Variants in SDK2 observed in about 807,000 individuals in gnomAD.
SDK2 encodes protein sidekick-2.
Under a neutral mutation model 253.9 loss-of-function variants are expected in SDK2, and 105 were observed. The observed-to-expected ratio is 0.41, with a 90% confidence interval of 0.35 to 0.49. The LOEUF (loss-of-function observed/expected upper bound fraction) is 0.49, where lower values mean the gene tolerates loss of function less well. Ranked by LOEUF, SDK2 falls within the 20% of genes least tolerant of loss-of-function variation. SDK2 has a pLI of 0.06. For missense variants in SDK2, 2,608 were observed against 3,003.0 expected, an observed-to-expected ratio of 0.87 and a Z score of 3.07; for synonymous variants, 1,249 against 1,234.9, an observed-to-expected ratio of 1.01 and a Z score of -0.24.
At chr17:73,483,408 G>A (rs1187250078) in intron 2 of SDK2, among the ~76,000 whole-genome samples, 1 of 142,448 alleles carries the variant, frequency 7.0e-6, no homozygotes, top group Non-Finnish European at 1.5e-5. Context: ...CCTGGTTCAA[G>A]CAATTCTCCT....
intron 18 of SDK2, among the ~76,000 whole-genome samples, chr17:73,408,461 T>G (rs1314929712): frequency 1.3e-5 from 2 of 152,066 alleles, no homozygotes; most frequent in Non-Finnish European, 2.9e-5. Flanking sequence ...CCTGACCTCG[T>G]GATCCACCTG....
intron 1 of SDK2, among the ~76,000 whole-genome samples, chr17:73,561,356 T>A (rs901940416): frequency 1.3e-5 from 2 of 151,930 alleles, no homozygotes; most frequent in Non-Finnish European, 2.9e-5. Flanking sequence ...GAGAGGAAAG[T>A]CTCCAAAAGG....
chr17:73,482,820 C>T (rs2063734606), intron 2 of SDK2, among the ~76,000 whole-genome samples: 2 of 152,218 alleles, frequency 1.3e-5, no homozygotes, highest in Admixed American at 6.5e-5. Context: ...GTGAGCGGGA[C>T]TCCCACTGCT....
At chr17:73,471,111 C>T (rs2063647208) in intron 3 of SDK2, among the ~76,000 whole-genome samples, 1 of 152,138 alleles carries the variant, frequency 6.6e-6, no homozygotes, top group African/African-American at 2.4e-5. Context: ...GGCCGTTACC[C>T]ACAAAGGCTT....
chr17:73,526,903 A>G (rs2145795598), intron 1 of SDK2, among the ~76,000 whole-genome samples: 1 of 152,382 alleles, frequency 6.6e-6, no homozygotes, highest in South Asian at 2.1e-4. Flanking sequence ...TCTCAAAGTC[A>G]TGACTTGTCT....
rs1438156791 is a variant in SDK2, at chr17:73,629,941, G to A, written c.64+14084C>T. ...CTTTTCTTTTAAGTCAGGACAGGAG[G>A]GGCAAGAGCCTCCTGAAGGAAGAAG... is the stretch of plus-strand genomic sequence containing the variant. On this transcript the variant is annotated intron_variant, in intron 1 of 44. Transcript: ENST00000392650. The surrounding 1 kb of genome is among the most constrained non-coding windows in gnomAD (Gnocchi z 5.0). Among the ~76,000 whole-genome samples, 1 of 152,070 alleles carries A rather than the reference G, an allele frequency of 6.6e-6. No individual in the cohort carries two copies. Among genetic ancestry groups the A allele is most frequent in the East Asian group, 1.9e-4 (1 of 5,186 alleles).
rs1313185306 is a variant in SDK2, at chr17:73,361,239, T to C, written c.5467+445A>G. ...TCCACCCTGGGAACGTGCATTTTAG[T>C]GCGCCCTGCTCTGAGAACCGCTGCC... On this transcript the variant is annotated intron_variant, in intron 39 of 44. Coordinates refer to ENST00000392650, the MANE Select transcript of SDK2 (RefSeq NM_001144952.2). The surrounding 1 kb of genome is among the most constrained non-coding windows in gnomAD (Gnocchi z 4.1). Among the ~76,000 whole-genome samples, 1 of 152,092 alleles carries C rather than the reference T, an allele frequency of 6.6e-6. No individual in the cohort carries two copies. The highest frequency in any genetic ancestry group is 1.9e-4 in the East Asian group (1 of 5,174).
At chr17:73,441,160 G>A (rs577222437) in intron 5 of SDK2, among the ~76,000 whole-genome samples, 3 of 152,098 alleles carry the variant, frequency 2.0e-5, no homozygotes, top group South Asian at 2.1e-4. Flanking sequence ...TGACCTTGAC[G>A]GCCTTCCCCA....
In SDK2 at chr17:73,541,380, A is replaced by G. The variant is rs1233243715; in HGVS notation, c.65-33783T>C. Among the ~76,000 whole-genome samples the G allele has an allele frequency of 6.6e-6, 1 of 151,998 alleles. No individual in the cohort carries two copies. Among genetic ancestry groups the G allele is most frequent in the African/African-American group, 2.4e-5 (1 of 41,370 alleles). ...GGCTAATCCCCAAGCTGCAGATGAC[A>G]TCAGAAGGACCAAGGCTAGCTCGGG... On this transcript the variant is annotated intron_variant, in intron 1 of 44. Transcript: ENST00000392650. This position sits in a 1 kb window ranked among gnomAD's most constrained non-coding sequence, Gnocchi z 4.3.
In SDK2 at chr17:73,546,240, C is replaced by T. The variant is rs2044962981; in HGVS notation, c.65-38643G>A. ...GTTCAGACCTGCCCTCTCTCCTGTG[C>T]AGGCGGATGCAGGCGGAGGAGGAAA... is the stretch of plus-strand genomic sequence containing the variant. On this transcript the variant is annotated intron_variant, in intron 1 of 44. Transcript: ENST00000392650. Among the ~76,000 whole-genome samples the T allele has an allele frequency of 3.3e-5, 5 of 152,316 alleles. No homozygotes were observed. The South Asian group carries it at 1.0e-3, about 32-fold the overall frequency.
intron 1 of SDK2, among the ~76,000 whole-genome samples, chr17:73,611,692 G>A (rs1342151710): frequency 2.0e-5 from 3 of 152,190 alleles, no homozygotes; most frequent in African/African-American, 2.4e-5. Context: ...GCAAGTTAGG[G>A]TGCAGTGAGA....
chr17:73,531,670 G>A (rs74374724), intron 1 of SDK2, among the ~76,000 whole-genome samples: 5,024 of 152,238 alleles, frequency 0.033, 236 homozygotes, highest in African/African-American at 0.1. Context: ...TTCTAACCAT[G>A]TGCTTCCTGT....
At position 73,525,417 on chromosome 17, in the gene SDK2, C is replaced by T. The variant is rs574532702; in HGVS notation, c.65-17820G>A. Among the ~76,000 whole-genome samples the T allele has an allele frequency of 8.6e-5, 13 of 152,038 alleles. 1 individual carries two copies. Among genetic ancestry groups the T allele is most frequent in the Admixed American group, 3.9e-4 (6 of 15,278 alleles). ...AGTTTACAGGAAGGCGACAAGTTAC[C>T]GGAAAGGACAATAAATTAATATAAT... is the stretch of plus-strand genomic sequence containing the variant. On this transcript the variant is annotated intron_variant, in intron 1 of 44. Transcript: ENST00000392650.
At chr17:73,340,325 C>T (rs2062423959) in intron 44 of SDK2, among the ~76,000 whole-genome samples, 1 of 152,210 alleles carries the variant, frequency 6.6e-6, no homozygotes, top group African/African-American at 2.4e-5. Context: ...AAACCTTGTA[C>T]CCAGGAAGCA....
At chr17:73,522,771 G>C (rs2064092854) in intron 1 of SDK2, among the ~76,000 whole-genome samples, 1 of 152,236 alleles carries the variant, frequency 6.6e-6, no homozygotes, top group Non-Finnish European at 1.5e-5. Flanking sequence ...AGAGGAGAGA[G>C]ACAGAAACAC....
At chr17:73,429,885 C>G (rs976496054) in intron 12 of SDK2, among the ~76,000 whole-genome samples, 5 of 151,922 alleles carry the variant, frequency 3.3e-5, no homozygotes, top group African/African-American at 9.7e-5. Flanking sequence ...TCCTCCCAGC[C>G]CTTTTAGTGG....
At chr17:73,398,233 C>T (rs368569109) in intron 23 of SDK2, 48 bp from the exon 24 acceptor site, 1 of 1,599,374 alleles carries the variant, frequency 6.3e-7, no homozygotes, top group African/African-American at 1.3e-5. Flanking sequence ...GCTCACCCAA[C>T]TCTCAACCCT....
intron 22 of SDK2, 42 bp from the exon 23 acceptor site, chr17:73,398,471 C>A: frequency 1.3e-6 from 2 of 1,547,604 alleles, no homozygotes; most frequent in Non-Finnish European, 1.8e-6. Flanking sequence ...GCCTACAGGG[C>A]CCACACGGGG....
intron 1 of SDK2, among the ~76,000 whole-genome samples, chr17:73,528,593 C>A (rs2064144719): frequency 6.6e-6 from 1 of 152,278 alleles, no homozygotes; most frequent in South Asian, 2.1e-4. Flanking sequence ...CTCACTAAGC[C>A]CCAGGTGAAC....
Sources: gnomAD v4.1 joint callset for allele counts (sites outside exome capture counted in the v4.1 genomes callset) on GRCh38, gnomAD v4.1.1 for gene constraint, Gnocchi (gnomAD v3.1) non-coding constraint, MANE v1.5 for transcripts, NCBI Gene and HGNC (gene_info 2026-07-23, HGNC 2026-07-21) for gene names.